Variants in GCSAML observed in about 807,000 individuals in gnomAD.
GCSAML encodes the protein germinal center associated signaling and motility like, also known as germinal center-associated signaling and motility-like protein.
GCSAML carries 9 observed loss-of-function variants against 13.0 expected under a neutral mutation model. That is an observed-to-expected ratio of 0.69 (90% confidence interval 0.42 to 1.21). The LOEUF is 1.21. Ranked by LOEUF, GCSAML falls within the 50% of genes most tolerant of loss-of-function variation. The pLI is 0.00. For synonymous variants in GCSAML, 37 were observed against 52.9 expected, an observed-to-expected ratio of 0.70 and a Z score of 1.31; for missense variants, 143 against 153.4, an observed-to-expected ratio of 0.93 and a Z score of 0.36.
chr1:247,574,479 C>T lies in GCSAML; in HGVS notation c.*97C>T. 1.5e-6 allele frequency: 2 copies of T among 1,320,452 alleles called. No individual in the cohort carries two copies. The highest frequency in any genetic ancestry group is 2.1e-6 in the Non-Finnish European group (2 of 954,630). 81.8% of individuals were successfully genotyped at this position (1,320,452 alleles called of 1,614,324 possible). Reference sequence around the variant, plus strand: ...CACCCTGAGCAGTGCATGAAACATTCCTTTCTGGCTAAAGTTTAGAAATAT... The same window carrying T: ...CACCCTGAGCAGTGCATGAAACATTTCTTTCTGGCTAAAGTTTAGAAATAT... On this transcript the variant is annotated 3_prime_UTR_variant, in exon 5 of 5. Coordinates refer to ENST00000366488, the MANE Select transcript of GCSAML (RefSeq NM_145278.5).
At chr1:247,560,722 T>G (rs976850541) in intron 2 of GCSAML, among the ~76,000 whole-genome samples, 1 of 152,168 alleles carries the variant, frequency 6.6e-6, no homozygotes, top group African/African-American at 2.4e-5. Flanking sequence ...AACAACTTAA[T>G]ATATTTATTA....
intron 1 of GCSAML, among the ~76,000 whole-genome samples, chr1:247,508,716 G>A (rs1293672980): frequency 6.6e-6 from 1 of 152,134 alleles, no homozygotes; most frequent in Non-Finnish European, 1.5e-5. Flanking sequence ...GTCCATTTCA[G>A]TTTTCTGCAT....
At chr1:247,524,851 A>T (rs1666613208) in intron 1 of GCSAML, 1 of 152,234 alleles carries the variant, frequency 6.6e-6, no homozygotes, top group African/African-American at 2.4e-5. Flanking sequence ...ACAAATCAGT[A>T]AGCAAAAAGG....
intron 2 of GCSAML, among the ~76,000 whole-genome samples, chr1:247,538,012 ATTT>A (rs35299196): frequency 6.6e-6 from 1 of 151,742 alleles, no homozygotes; most frequent in African/African-American, 2.4e-5. Flanking sequence ...TAATTTATCT[ATTT>A]TTTTTGTTGT....
At chr1:247,545,167 T>C (rs1446800236), upstream of GCSAML, among the ~76,000 whole-genome samples, 1 of 152,170 alleles carries the variant, frequency 6.6e-6, no homozygotes, top group African/African-American at 2.4e-5. Context: ...GGTAAGGAAT[T>C]GGTTTTGGTT....
At chr1:247,566,957 A>G (rs1572372311) in intron 4 of GCSAML, among the ~76,000 whole-genome samples, 1 of 151,880 alleles carries the variant, frequency 6.6e-6, no homozygotes, top group Non-Finnish European at 1.5e-5. Flanking sequence ...ACGAAAGTAT[A>G]GAAGTGCTTT....
At chr1:247,574,121 C>T in intron 4 of GCSAML, 22 bp from the exon 5 acceptor site, 1 of 1,613,012 alleles carries the variant, frequency 6.2e-7, no homozygotes, top group Non-Finnish European at 8.5e-7. Context: ...TCCTTGATTT[C>T]TTTTCTCTTT....
rs967550806 is a variant in GCSAML, at chr1:247,576,839, T to A, written c.*2457T>A. On this transcript the variant is annotated 3_prime_UTR_variant, in exon 5 of 5. Coordinates refer to ENST00000366488, the MANE Select transcript of GCSAML (RefSeq NM_145278.5). ...ATTTTAGGAAAATGACAAAATTTTT[T>A]ACTTTTCGTCTGCCTTTGTAGCTGT... 6.6e-6 allele frequency: 1 copy of A among 152,244 alleles called. No homozygotes were observed. Among genetic ancestry groups the A allele is most frequent in the African/African-American group, 2.4e-5 (1 of 41,470 alleles). The allele number at this position is 152,244 out of a possible 1,614,324, so 9.4% of individuals were successfully genotyped here. A position where few individuals can be genotyped will look rare whatever the true frequency, so the allele number is the denominator to read the frequency against.
intron 2 of GCSAML, among the ~76,000 whole-genome samples, chr1:247,558,082 A>G (rs1391011616): frequency 6.6e-6 from 1 of 152,220 alleles, no homozygotes; most frequent in Non-Finnish European, 1.5e-5. Context: ...AGATAAATTA[A>G]ATGTCGTTAG....
rs1461599399 is a variant in GCSAML at position 247,575,734 on chromosome 1, G to A, written c.*1352G>A. On this transcript the variant is annotated 3_prime_UTR_variant, in exon 5 of 5. Transcript: ENST00000366488. ...ATTAGTAAAAATTGAAAATAAACTT[G>A]TGCTTATATTTTGTTTGCAACACAC... 2.6e-5 allele frequency: 4 copies of A among 152,170 alleles called. No homozygotes were observed. The highest frequency in any genetic ancestry group is 5.9e-5 in the Non-Finnish European group (4 of 68,030). The allele number at this position is 152,170 out of a possible 1,614,324, so 9.4% of individuals were successfully genotyped here. A position where few individuals can be genotyped will look rare whatever the true frequency, so the allele number is the denominator to read the frequency against.
At chr1:247,510,819 C>T (rs983493919) in intron 1 of GCSAML, among the ~76,000 whole-genome samples, 2 of 152,174 alleles carry the variant, frequency 1.3e-5, no homozygotes, top group Admixed American at 1.3e-4. Context: ...GAGTGAGTTT[C>T]CTAATCCTGA....
chr1:247,566,040 G>C (rs955809269), intron 4 of GCSAML, 81 bp downstream of exon 4: 11 of 938,288 alleles, frequency 1.2e-5, no homozygotes, highest in Non-Finnish European at 1.7e-5. Flanking sequence ...AAATACAGAT[G>C]ATTTATTCAA....
chr1:247,556,082 C>G (rs766063603), intron 1 of GCSAML, among the ~76,000 whole-genome samples: 6 of 152,120 alleles, frequency 3.9e-5, no homozygotes, highest in Non-Finnish European at 7.3e-5. Context: ...TGATGCTTCC[C>G]TGTTGTTAAG....
At chr1:247,539,819 G>A (rs760122058) in intron 2 of GCSAML, among the ~76,000 whole-genome samples, 3 of 152,100 alleles carry the variant, frequency 2.0e-5, no homozygotes, top group Non-Finnish European at 2.9e-5. Context: ...AAATCACAAC[G>A]ATTTTACTTG....
chr1:247,540,856 A>T (rs910677764), intron 2 of GCSAML, among the ~76,000 whole-genome samples: 1 of 152,228 alleles, frequency 6.6e-6, no homozygotes, highest in Non-Finnish European at 1.5e-5. Flanking sequence ...TTTGTCATTC[A>T]TGCATTTCCT....
At chr1:247,550,997 T>C (rs1327871765) in intron 1 of GCSAML, among the ~76,000 whole-genome samples, 1 of 152,112 alleles carries the variant, frequency 6.6e-6, no homozygotes, top group Non-Finnish European at 1.5e-5. Flanking sequence ...ATAATTAAAA[T>C]TGAGAGAGAA....
rs1668758987 is a variant in GCSAML, at chr1:247,574,516, A to G, written c.*134A>G. ...AAGTTTAGAAATATTATCTTATTAT[A>G]TATCCTTAGGCAACTCTGATATGTG... On this transcript the variant is annotated 3_prime_UTR_variant, in exon 5 of 5. Transcript: ENST00000366488. The G allele has an allele frequency of 6.1e-6, 6 of 990,278 alleles. No individual in the cohort carries two copies. The highest frequency in any genetic ancestry group is 7.3e-6 in the Non-Finnish European group (5 of 681,204). The allele number at this position is 990,278 out of a possible 1,614,324, so 61.3% of individuals were successfully genotyped here. A position where few individuals can be genotyped will look rare whatever the true frequency, so the allele number is the denominator to read the frequency against.
chr1:247,514,598 T>C (rs535062140), intron 1 of GCSAML, among the ~76,000 whole-genome samples: 1 of 152,358 alleles, frequency 6.6e-6, no homozygotes, highest in African/African-American at 2.4e-5. Context: ...TCTTTATGGC[T>C]TCAGGTCTTA....
At chr1:247,574,085 G>C (rs1332747702) in intron 4 of GCSAML, 58 bp from the exon 5 acceptor site, 1 of 1,595,606 alleles carries the variant, frequency 6.3e-7, no homozygotes, top group African/African-American at 1.3e-5. Flanking sequence ...GTAGTACACT[G>C]AGTTCAATTT....
Sources: allele counts gnomAD v4.1 joint callset (sites outside exome capture counted in the v4.1 genomes callset), GRCh38; gene constraint gnomAD v4.1.1; transcripts MANE v1.5; gene names NCBI Gene and HGNC (gene_info 2026-07-23, HGNC 2026-07-21).